CYRIB: variants seen among roughly 807,000 people sequenced by gnomAD.
CYRIB encodes the protein CYFIP-related Rac1 interactor B.
CYRIB carries 8 observed loss-of-function variants against 44.2 expected under a neutral mutation model. The observed-to-expected ratio is 0.18, with a 90% confidence interval of 0.11 to 0.33. The LOEUF is 0.33. Ranked by LOEUF, CYRIB falls within the 10% of genes least tolerant of loss-of-function variation. The pLI is 1.00. For missense variants in CYRIB, 185 were observed against 382.8 expected (o/e 0.48, Z 4.31); for synonymous variants, 131 against 127.2 (o/e 1.03, Z -0.20).
intron 1 of CYRIB, among the ~76,000 whole-genome samples, chr8:129,981,455 C>A (rs1410115218): frequency 6.6e-6 from 1 of 152,156 alleles, no homozygotes; most frequent in Admixed American, 6.6e-5. Flanking sequence ...CTGGCTCCAG[C>A]CCCACCCTTT....
intron 1 of CYRIB, among the ~76,000 whole-genome samples, chr8:130,005,442 C>T (rs1329349368): frequency 1.3e-5 from 2 of 152,152 alleles, no homozygotes; most frequent in African/African-American, 4.8e-5. Flanking sequence ...GTCCCTCCTT[C>T]TTTAAATGAA....
At chr8:129,912,525 T>G (rs1047043537) in intron 1 of CYRIB, 1 of 151,972 alleles carries the variant, frequency 6.6e-6, no homozygotes, top group African/African-American at 2.4e-5. Flanking sequence ...CCTAACAGAT[T>G]AAAAGAAAAA....
At chr8:130,016,959 C>T (rs2097359531), upstream of CYRIB, 1 of 152,294 alleles carries the variant, frequency 6.6e-6, no homozygotes, top group Non-Finnish European at 1.5e-5. Flanking sequence ...GGGCTCGAAC[C>T]CCGGTCTCCA....
At chr8:129,976,558 T>C (rs546181105) in intron 1 of CYRIB, among the ~76,000 whole-genome samples, 1 of 152,352 alleles carries the variant, frequency 6.6e-6, no homozygotes, top group South Asian at 2.1e-4. Flanking sequence ...ATGCAGTCAT[T>C]ACACAGGTGA....
intron 7 of CYRIB, among the ~76,000 whole-genome samples, chr8:129,853,086 G>A (rs1219626391): frequency 4.6e-5 from 7 of 152,154 alleles, no homozygotes; most frequent in Admixed American, 4.6e-4. Flanking sequence ...ACAGTGGGAG[G>A]AGGAGATGGA....
At chr8:129,856,251 GAAC>G (rs1212943300) in intron 5 of CYRIB, among the ~76,000 whole-genome samples, 3 of 152,094 alleles carry the variant, frequency 2.0e-5, no homozygotes, top group African/African-American at 7.2e-5. Flanking sequence ...CTACTAAAGA[GAAC>G]AAAATATGTG....
At chr8:129,987,758 G>A (rs535765411) in intron 1 of CYRIB, among the ~76,000 whole-genome samples, 4 of 152,044 alleles carry the variant, frequency 2.6e-5, no homozygotes, top group African/African-American at 7.2e-5. Flanking sequence ...TTTGAGAAGA[G>A]ATGGGGTTTC....
chr8:129,972,170 C>T (rs749132686), intron 1 of CYRIB, among the ~76,000 whole-genome samples: 6 of 152,210 alleles, frequency 3.9e-5, no homozygotes, highest in Non-Finnish European at 5.9e-5. Context: ...TCAGCCACTT[C>T]GGCTGCTTTT....
chr8:129,991,487 T>C (rs1017866862), intron 1 of CYRIB, among the ~76,000 whole-genome samples: 4 of 152,010 alleles, frequency 2.6e-5, no homozygotes, highest in African/African-American at 9.7e-5. Flanking sequence ...AACTGGTGGC[T>C]GTATAAGAAG....
intron 2 of CYRIB, among the ~76,000 whole-genome samples, chr8:129,885,012 T>C (rs779074222): frequency 2.0e-5 from 3 of 152,236 alleles, no homozygotes; most frequent in Non-Finnish European, 2.9e-5. Context: ...CATAAAACAT[T>C]TGAAAAGAAG....
intron 1 of CYRIB, among the ~76,000 whole-genome samples, chr8:129,987,112 A>T (rs1039511498): frequency 1.3e-5 from 2 of 152,222 alleles, no homozygotes; most frequent in African/African-American, 4.8e-5. Flanking sequence ...TAAAAACCTG[A>T]ATCCAAGCTG....
chr8:129,857,468 C>T (rs763177265), intron 5 of CYRIB, among the ~76,000 whole-genome samples: 3 of 152,148 alleles, frequency 2.0e-5, no homozygotes, highest in African/African-American at 4.8e-5. Flanking sequence ...AATATAGGAG[C>T]ACAGAGGGCA....
In CYRIB at chr8:129,853,496, A is replaced by C. The variant is rs893249076; in HGVS notation, c.516+770T>G. On this transcript the variant is annotated intron_variant, in intron 7 of 11. Transcript: ENST00000519824. ...TTTTAAATATCTTATGCCACTTATT[A>C]CTCCTTACATAGTTACAGTATTTCT... is the stretch of plus-strand genomic sequence containing the variant. 5.3e-5 allele frequency among the ~76,000 whole-genome samples: 8 copies of C among 152,124 alleles called. No homozygotes were observed. The East Asian group carries it at 1.3e-3, about 26-fold the overall frequency.
chr8:129,904,929 G>GT (rs2074432063), intron 1 of CYRIB, among the ~76,000 whole-genome samples: 1 of 152,170 alleles, frequency 6.6e-6, no homozygotes, highest in African/African-American at 2.4e-5. Context: ...GCAAATAAAC[G>GT]TGTGTGTTTA....
intron 1 of CYRIB, among the ~76,000 whole-genome samples, chr8:129,998,500 T>C (rs1218160616): frequency 1.3e-5 from 2 of 152,180 alleles, no homozygotes; most frequent in Non-Finnish European, 2.9e-5. Flanking sequence ...AGGACAATAA[T>C]GGGACAGGAA....
intron 3 of CYRIB, among the ~76,000 whole-genome samples, chr8:129,878,665 G>A (rs2059934966): frequency 6.6e-6 from 1 of 151,954 alleles, no homozygotes; most frequent in Non-Finnish European, 1.5e-5. Context: ...GATATCAACA[G>A]CCAAAAAAAG....
chr8:129,927,736 A>C (rs1160441492), intron 1 of CYRIB, among the ~76,000 whole-genome samples: 1 of 152,244 alleles, frequency 6.6e-6, no homozygotes, highest in Non-Finnish European at 1.5e-5. Flanking sequence ...TATGTTTACA[A>C]GAATTTTCAT....
chr8:129,925,675 C>T (rs1283024017), intron 1 of CYRIB, among the ~76,000 whole-genome samples: 1 of 152,218 alleles, frequency 6.6e-6, no homozygotes, highest in Non-Finnish European at 1.5e-5. Flanking sequence ...AGCAACCTTG[C>T]TTTCTTTTGC....
upstream of CYRIB, among the ~76,000 whole-genome samples, chr8:129,943,087 C>CCCCA (rs1564293512): frequency 9.4e-6 from 1 of 106,342 alleles, no homozygotes; most frequent in African/African-American, 5.3e-5. Context: ...GCACCGCCCA[C>CCCCA]CCGCCCCCCC....
Sources: gnomAD v4.1 joint callset for allele counts (sites outside exome capture counted in the v4.1 genomes callset) on GRCh38, gnomAD v4.1.1 for gene constraint, MANE v1.5 for transcripts, NCBI Gene and HGNC (gene_info 2026-07-23, HGNC 2026-07-21) for gene names.